Variants in DAB1 observed in about 807,000 individuals in gnomAD.
DAB1 encodes the protein DAB adaptor protein 1.
DAB1 carries 15 observed loss-of-function variants against 64.6 expected under a neutral mutation model. The observed-to-expected ratio is 0.23, with a 90% CI of 0.16 to 0.36. The LOEUF is 0.36. Ranked by LOEUF, DAB1 falls within the 10% of genes least tolerant of loss-of-function variation. The pLI is 1.00. For missense variants in DAB1, 596 were observed against 706.7 expected (o/e 0.84, Z 1.78); for synonymous variants, 235 against 251.9 (o/e 0.93, Z 0.64).
At chr1:57,227,227 T>C (rs197624) in intron 2 of DAB1, among the ~76,000 whole-genome samples, 96,090 of 151,904 alleles carry the variant, frequency 0.63, 30,423 homozygotes, top group Admixed American at 0.69. Flanking sequence ...TTGAAATATA[T>C]TACTTCACCC....
At chr1:58,395,128 C>G (rs1477935637) in intron 3 of DAB1, among the ~76,000 whole-genome samples, 1 of 152,088 alleles carries the variant, frequency 6.6e-6, no homozygotes, top group African/African-American at 2.4e-5. Context: ...CTGTTTGCCT[C>G]TGTTAGCAAT....
At chr1:58,223,480 G>A (rs1447053053) in intron 4 of DAB1, among the ~76,000 whole-genome samples, 3 of 152,194 alleles carry the variant, frequency 2.0e-5, no homozygotes, top group Non-Finnish European at 4.4e-5. Context: ...AGAAGGTGAC[G>A]TTCCAATTAC....
intron 1 of DAB1, among the ~76,000 whole-genome samples, chr1:57,413,314 C>T (rs1251219866): frequency 6.6e-6 from 1 of 152,076 alleles, no homozygotes; most frequent in East Asian, 1.9e-4. Flanking sequence ...ACTCTGCAGC[C>T]CATGGATCAA....
At chr1:58,315,055 G>A (rs1287947569) in intron 4 of DAB1, among the ~76,000 whole-genome samples, 9 of 152,170 alleles carry the variant, frequency 5.9e-5, no homozygotes, top group Admixed American at 5.9e-4. Flanking sequence ...AAGGACCAGA[G>A]CTAAACTGTG....
At chr1:58,266,811 A>C (rs1661174164) in intron 4 of DAB1, among the ~76,000 whole-genome samples, 1 of 152,254 alleles carries the variant, frequency 6.6e-6, no homozygotes, top group Non-Finnish European at 1.5e-5. Flanking sequence ...AAGAGCTTGA[A>C]TAGGTATCGT....
intron 4 of DAB1, among the ~76,000 whole-genome samples, chr1:58,261,548 T>C (rs921512154): frequency 2.0e-5 from 3 of 152,032 alleles, no homozygotes; most frequent in African/African-American, 7.3e-5. Flanking sequence ...TGTTTCCAAA[T>C]TCACCAACCA....
intron 2 of DAB1, among the ~76,000 whole-genome samples, chr1:57,211,460 G>A (rs890181038): frequency 2.0e-5 from 3 of 152,098 alleles, no homozygotes; most frequent in African/African-American, 7.2e-5. Context: ...GAAGAGTATG[G>A]GGCTGGGAAG....
intron 7 of DAB1, among the ~76,000 whole-genome samples, chr1:57,555,345 C>T (rs1644975309): frequency 6.7e-6 from 1 of 148,604 alleles, no homozygotes; most frequent in Non-Finnish European, 1.5e-5. Context: ...TATCTTTTTT[C>T]TTTTTCATTT....
intron 7 of DAB1, among the ~76,000 whole-genome samples, chr1:57,485,203 C>T (rs1046184106): frequency 3.8e-5 from 4 of 104,450 alleles, no homozygotes; most frequent in African/African-American, 1.8e-4. Context: ...AAGTTCATGT[C>T]ATGAGGACAA....
intron 6 of DAB1, among the ~76,000 whole-genome samples, chr1:57,769,777 G>A (rs1386144891): frequency 6.6e-6 from 1 of 152,136 alleles, no homozygotes; most frequent in African/African-American, 2.4e-5. Flanking sequence ...TTCCCGTTTT[G>A]GGGTGTTTTA....
chr1:57,645,675 G>T (rs938525492), intron 7 of DAB1, among the ~76,000 whole-genome samples: 2 of 152,184 alleles, frequency 1.3e-5, no homozygotes, highest in Non-Finnish European at 2.9e-5. Flanking sequence ...TCTATGGAAA[G>T]TATTATTGCT....
At chr1:58,243,174 C>T (rs1186527243) in intron 4 of DAB1, among the ~76,000 whole-genome samples, 1 of 151,862 alleles carries the variant, frequency 6.6e-6, no homozygotes, top group Non-Finnish European at 1.5e-5. Flanking sequence ...CACTTTCCAA[C>T]TTGGCTGTAA....
chr1:57,863,857 A>C (rs754750392), intron 1 of DAB1, among the ~76,000 whole-genome samples: 44 of 152,344 alleles, frequency 2.9e-4, no homozygotes, highest in Middle Eastern at 3.4e-3. Flanking sequence ...AACATAGCTC[A>C]CATGTGATAC....
At position 57,318,839 on chromosome 1, in the gene DAB1, G is replaced by T. The variant is rs189997305; in HGVS notation, c.-136-27673C>A. Among the ~76,000 whole-genome samples the T allele has an allele frequency of 2.6e-3, 391 of 151,414 alleles. 4 individuals carry two copies. The highest frequency in any genetic ancestry group is 1.1e-3 in the Non-Finnish European group (73 of 67,938). On this transcript the variant is annotated intron_variant, in intron 1 of 14. Coordinates refer to ENST00000371236, the MANE Select transcript of DAB1 (RefSeq NM_001365792.1). ...TTGTTACGTTGTGGTTTCACATTTT[G>T]CATGTTTGTTTTGAAAGGACTGCAC... is the stretch of plus-strand genomic sequence containing the variant.
intron 3 of DAB1, among the ~76,000 whole-genome samples, chr1:58,388,491 A>G (rs1644451720): frequency 6.6e-6 from 1 of 152,236 alleles, no homozygotes; most frequent in Non-Finnish European, 1.5e-5. Flanking sequence ...GAAATAAGAC[A>G]GCCAGCCTAC....
chr1:57,817,469 C>T (rs1439019843), intron 6 of DAB1, among the ~76,000 whole-genome samples: 1 of 152,198 alleles, frequency 6.6e-6, no homozygotes, highest in Non-Finnish European at 1.5e-5. Context: ...CATCCCCCTG[C>T]AGCTCTGGAA....
At chr1:57,728,051 A>T (rs1647257577) in intron 6 of DAB1, among the ~76,000 whole-genome samples, 1 of 152,174 alleles carries the variant, frequency 6.6e-6, no homozygotes, top group Admixed American at 6.5e-5. Context: ...CTGTTTGTCC[A>T]GGGACTTCCT....
At chr1:57,442,089 C>T (rs1349387088) in intron 7 of DAB1, among the ~76,000 whole-genome samples, 2 of 152,118 alleles carry the variant, frequency 1.3e-5, no homozygotes. Context: ...AATCTTAGTT[C>T]TGACACTGTG....
intron 3 of DAB1, among the ~76,000 whole-genome samples, chr1:58,419,191 C>A (rs1331597495): frequency 6.6e-6 from 1 of 152,192 alleles, no homozygotes; most frequent in Non-Finnish European, 1.5e-5. Context: ...CTCCTCCAAC[C>A]TCCCCATGAG....
Sources: allele counts gnomAD v4.1 joint callset (sites outside exome capture counted in the v4.1 genomes callset), GRCh38; gene constraint gnomAD v4.1.1; transcripts MANE v1.5; gene names NCBI Gene and HGNC (gene_info 2026-07-23, HGNC 2026-07-21).